The following TUB variants were observed in gnomAD, a reference collection of about 807,000 sequenced individuals.
TUB encodes the protein tubby protein homolog.
TUB carries 33 observed loss-of-function variants against 59.7 expected under a neutral mutation model. The observed-to-expected ratio is 0.55, with a 90% confidence interval of 0.42 to 0.74. The LOEUF (loss-of-function observed/expected upper bound fraction) is 0.74. Ranked by LOEUF, TUB falls within the 30% of genes least tolerant of loss-of-function variation. The pLI is 0.00. For synonymous variants in TUB, 293 were observed against 256.4 expected (o/e 1.14, Z -1.36); for missense variants, 659 against 672.0 (o/e 0.98, Z 0.21).
chr11:8,064,896 C>T (rs1432286192), intron 2 of TUB, among the ~76,000 whole-genome samples: 1 of 152,196 alleles, frequency 6.6e-6, no homozygotes, highest in East Asian at 1.9e-4. Flanking sequence ...ACTCCGCAAA[C>T]TTGGGAACAA....
In TUB at chr11:8,081,697, C is replaced by T. The variant is rs533118288; in HGVS notation, c.38+149C>T. 20 of 895,016 alleles carry T rather than the reference C, an allele frequency of 2.2e-5. No homozygotes were observed. In the African/African-American group the frequency reaches 3.0e-4, roughly 14 times the overall value. The allele number at this position is 895,016 out of a possible 1,614,324, so 55.4% of individuals were successfully genotyped here. ...TTGGAGTCGCTGGTCCTTCCTCCCT[C>T]AACTTTGAGGGCCCCTGCGGACTGC... On this transcript the variant is annotated intron_variant, in intron 1 of 11. Transcript: ENST00000299506.
At chr11:8,094,683 G>A (rs1943906085) in intron 4 of TUB, among the ~76,000 whole-genome samples, 2 of 152,182 alleles carry the variant, frequency 1.3e-5, no homozygotes, top group Admixed American at 1.3e-4. Context: ...TGTTCCCTCT[G>A]CTCCTCTTTC....
At chr11:8,074,489 A>G (rs4758284) in intron 2 of TUB, among the ~76,000 whole-genome samples, 19,089 of 152,106 alleles carry the variant, frequency 0.13, 1,303 homozygotes, top group Middle Eastern at 0.2. Context: ...TGTAATCCTA[A>G]TGCTGTGGGA....
chr11:8,065,633 T>C (rs1943224870), intron 2 of TUB, among the ~76,000 whole-genome samples: 1 of 152,170 alleles, frequency 6.6e-6, no homozygotes, highest in Non-Finnish European at 1.5e-5. Flanking sequence ...TGAGTGTATC[T>C]GTGGGCCCAA....
intron 2 of TUB, among the ~76,000 whole-genome samples, chr11:8,044,348 TTTAG>T (rs1174415057): frequency 6.6e-6 from 1 of 152,250 alleles, no homozygotes; most frequent in Non-Finnish European, 1.5e-5. Flanking sequence ...TATATTTTAT[TTTAG>T]ATACTATGTT....
At chr11:8,069,982 T>C (rs996607556) in intron 2 of TUB, among the ~76,000 whole-genome samples, 3 of 152,218 alleles carry the variant, frequency 2.0e-5, no homozygotes, top group African/African-American at 7.2e-5. Context: ...CCGCACCGTG[T>C]GGGCATGCTC....
chr11:8,081,574 C>G, intron 1 of TUB, 26 bp downstream of exon 1: 1 of 1,521,342 alleles, frequency 6.6e-7, no homozygotes, highest in Non-Finnish European at 8.8e-7. Context: ...GCCGGGGCGC[C>G]CACCACTCCC....
At chr11:8,061,625 G>C (rs1253539280) in intron 2 of TUB, among the ~76,000 whole-genome samples, 1 of 152,064 alleles carries the variant, frequency 6.6e-6, no homozygotes, top group Non-Finnish European at 1.5e-5. Context: ...GATCTTGCTA[G>C]TTTGCTCTGT....
chr11:8,020,168 G>T (rs1315255789), intron 1 of TUB, among the ~76,000 whole-genome samples: 2 of 152,230 alleles, frequency 1.3e-5, no homozygotes, highest in African/African-American at 4.8e-5. Flanking sequence ...AAACCATGAT[G>T]ATAGTAGATA....
chr11:8,032,314 G>C (rs1469644059), intron 1 of TUB, among the ~76,000 whole-genome samples: 1 of 152,200 alleles, frequency 6.6e-6, no homozygotes, highest in Non-Finnish European at 1.5e-5. Context: ...CAGTGAAGTA[G>C]GCTCGTAGCC....
chr11:8,019,681 G>A (rs1942390088), intron 1 of TUB, among the ~76,000 whole-genome samples: 1 of 152,086 alleles, frequency 6.6e-6, no homozygotes, highest in Non-Finnish European at 1.5e-5. Flanking sequence ...AAAGGGCGCG[G>A]AGGGGGCGCC....
At chr11:8,078,967 T>G (rs1943496574), upstream of TUB, among the ~76,000 whole-genome samples, 2 of 152,080 alleles carry the variant, frequency 1.3e-5, no homozygotes. Flanking sequence ...AGTCCCATGG[T>G]TCCCCCACAT....
intron 2 of TUB, among the ~76,000 whole-genome samples, chr11:8,057,644 G>A (rs1286027991): frequency 2.0e-5 from 3 of 152,058 alleles, no homozygotes; most frequent in Admixed American, 1.3e-4. Flanking sequence ...CTTGTCCCCT[G>A]CGAAGTCACG....
Position 8,048,197 on chromosome 11 carries a change from T to C in TUB, c.203+8505T>C, listed in dbSNP as rs117125550. ...AGTCACAGTAACCCTATGAGGTGAG[T>C]ACTGTTATCATTCTCATTTTGTGGA... On this transcript the variant is annotated intron_variant, in intron 2 of 12. Coordinates refer to the TUB transcript ENST00000305253. 2.0e-4 allele frequency among the ~76,000 whole-genome samples: 31 copies of C among 152,298 alleles called. 1 individual carries two copies. In the East Asian group the frequency reaches 5.8e-3, roughly 28 times the overall value.
intron 1 of TUB, among the ~76,000 whole-genome samples, chr11:8,083,224 T>A (rs1224616164): frequency 6.6e-6 from 1 of 152,078 alleles, no homozygotes; most frequent in African/African-American, 2.4e-5. Context: ...ACTCCGGTGC[T>A]GTGGAAGTAC....
upstream of TUB, among the ~76,000 whole-genome samples, chr11:8,078,985 A>G (rs536953855): frequency 3.6e-4 from 55 of 152,232 alleles, no homozygotes; most frequent in African/African-American, 1.2e-3. Flanking sequence ...CATCCCATGT[A>G]CCTATGTAAC....
At chr11:8,042,799 T>C (rs1942774768) in intron 2 of TUB, among the ~76,000 whole-genome samples, 1 of 152,174 alleles carries the variant, frequency 6.6e-6, no homozygotes, top group South Asian at 2.1e-4. Flanking sequence ...TGCCTTTTTA[T>C]TATTGAGTTG....
At chr11:8,038,840 C>G in exon 1 of TUB, 1 of 1,608,350 alleles carries the variant, frequency 6.2e-7, no homozygotes, top group Non-Finnish European at 8.5e-7. Context: ...TGAAGTGGGA[C>G]CATCCCTTAA....
intron 1 of TUB, among the ~76,000 whole-genome samples, chr11:8,026,175 T>C (rs1589918567): frequency 6.6e-6 from 1 of 152,366 alleles, no homozygotes; most frequent in Admixed American, 6.5e-5. Context: ...TTTTGAGTTT[T>C]GAGAGTTCTT....
Sources: allele counts gnomAD v4.1 joint callset (sites outside exome capture counted in the v4.1 genomes callset), GRCh38; gene constraint gnomAD v4.1.1; transcripts MANE v1.5; gene names NCBI Gene and HGNC (gene_info 2026-07-23, HGNC 2026-07-21).